The following ADI1 variants were observed in gnomAD, a reference collection of about 807,000 sequenced individuals.
ADI1 encodes the protein acireductone dioxygenase 1.
Under a neutral mutation model 18.7 loss-of-function variants are expected in ADI1, and 21 were observed. The observed-to-expected ratio is 1.13, with a 90% CI of 0.80 to 1.62. The LOEUF is 1.62. ADI1 is among the 40% of genes most tolerant of loss of function. The pLI is 0.00. For missense variants in ADI1, 245 were observed against 254.9 expected, an observed-to-expected ratio of 0.96 and a Z score of 0.26; for synonymous variants, 90 against 100.1, an observed-to-expected ratio of 0.90 and a Z score of 0.60.
At chr2:3,502,452 T>TC (rs1667045889) in intron 2 of ADI1, among the ~76,000 whole-genome samples, 1 of 41,140 alleles carries the variant, frequency 2.4e-5, no homozygotes, top group South Asian at 6.3e-4. Flanking sequence ...AAATAGCTCT[T>TC]TTTTTTTTTT....
Position 3,519,527 on chromosome 2 carries a change from C to T in ADI1, c.-40G>A. ...GTGCCGTGTTCGAACCCAGGGGCCG[C>T]GCTCGGAGCCCGTCGGCCGCGCTTT... is the stretch of plus-strand genomic sequence containing the variant. On this transcript the variant is annotated 5_prime_UTR_variant, in exon 1 of 4. Coordinates refer to ENST00000327435, the MANE Select transcript of ADI1 (RefSeq NM_018269.4). 1 of 1,253,652 alleles carries T rather than the reference C, an allele frequency of 8.0e-7. No homozygotes were observed. Among genetic ancestry groups the T allele is most frequent in the Non-Finnish European group, 1.0e-6 (1 of 997,652 alleles). The allele number at this position is 1,253,652 out of a possible 1,614,324, so 77.7% of individuals were successfully genotyped here.
At chr2:3,519,224 A>C in intron 1 of ADI1, 144 bp downstream of exon 1, 1 of 1,215,562 alleles carries the variant, frequency 8.2e-7, no homozygotes, top group Non-Finnish European at 1.0e-6. Flanking sequence ...GGGAGCCGCC[A>C]CGAACCCCCA....
intron 2 of ADI1, among the ~76,000 whole-genome samples, chr2:3,504,552 C>G (rs1320374479): frequency 6.6e-6 from 1 of 152,190 alleles, no homozygotes; most frequent in African/African-American, 2.4e-5. Context: ...TGGACTCTAA[C>G]CAGGAAGAAT....
At chr2:3,515,599 C>T (rs1667388990) in intron 1 of ADI1, 1 of 147,420 alleles carries the variant, frequency 6.8e-6, no homozygotes, top group Admixed American at 6.6e-5. Flanking sequence ...TGTCCTGTTC[C>T]CTCAGAAGCA....
Position 3,519,508 on chromosome 2 carries a change from T to C in ADI1, c.-21A>G. 1 of 1,267,570 alleles carries C rather than the reference T, an allele frequency of 7.9e-7. No individual in the cohort carries two copies. The highest frequency in any genetic ancestry group is 1.0e-6 in the Non-Finnish European group (1 of 1,004,556). 78.5% of individuals were successfully genotyped at this position (1,267,570 alleles called of 1,614,324 possible). A position where few individuals can be genotyped will look rare whatever the true frequency, so the allele number is the denominator to read the frequency against. On this transcript the variant is annotated 5_prime_UTR_variant, in exon 1 of 4. Transcript: ENST00000327435. ...ACCATGACGCGCAGTGCGGGTGCCG[T>C]GTTCGAACCCAGGGGCCGCGCTCGG...
intron 1 of ADI1, chr2:3,515,048 A>G (rs1410195558): frequency 1.9e-6 from 1 of 516,616 alleles, no homozygotes; most frequent in Non-Finnish European, 3.1e-6. Context: ...ATTGATTGTA[A>G]AACATGTGTG....
At chr2:3,501,040 G>A (rs564102636) in intron 2 of ADI1, 47 bp from the exon 3 acceptor site, 14 of 1,506,506 alleles carry the variant, frequency 9.3e-6, no homozygotes, top group South Asian at 5.3e-5. Context: ...GACCTGTCAC[G>A]CAAGCTCACA....
intron 2 of ADI1, among the ~76,000 whole-genome samples, chr2:3,508,991 G>C (rs1370900214): frequency 8.5e-6 from 1 of 118,156 alleles, no homozygotes; most frequent in Non-Finnish European, 1.7e-5. Context: ...GCGGAAGGAA[G>C]GAAAGAAGGA....
chr2:3,499,446 C>A (rs1666945032), intron 3 of ADI1, among the ~76,000 whole-genome samples: 1 of 152,206 alleles, frequency 6.6e-6, no homozygotes, highest in African/African-American at 2.4e-5. Flanking sequence ...TAAGAATTAG[C>A]ATCAGGGCCC....
At chr2:3,501,055 C>T (rs1480695578) in intron 2 of ADI1, 62 bp from the exon 3 acceptor site, 4 of 1,450,164 alleles carry the variant, frequency 2.8e-6, no homozygotes, top group Non-Finnish European at 3.7e-6. Flanking sequence ...CTCACACCCA[C>T]CCACTCAGCA....
chr2:3,503,155 GCT>G (rs202012769), intron 2 of ADI1, among the ~76,000 whole-genome samples: 2,212 of 150,828 alleles, frequency 0.015, 36 homozygotes, highest in South Asian at 0.068. Flanking sequence ...ACACGTACAC[GCT>G]CTCACATGCG....
At chr2:3,511,657 A>G (rs1422661544) in intron 2 of ADI1, among the ~76,000 whole-genome samples, 1 of 152,262 alleles carries the variant, frequency 6.6e-6, no homozygotes, top group African/African-American at 2.4e-5. Context: ...TGCTATAAAG[A>G]TACCTGAAAA....
intron 2 of ADI1, among the ~76,000 whole-genome samples, chr2:3,504,372 G>A (rs796108773): frequency 1.4e-4 from 22 of 152,350 alleles, no homozygotes; most frequent in African/African-American, 5.3e-4. Flanking sequence ...CAGCAATGAT[G>A]AAGCTAATGT....
chr2:3,500,190 C>G (rs865778436), intron 3 of ADI1, among the ~76,000 whole-genome samples: 1 of 151,958 alleles, frequency 6.6e-6, no homozygotes, highest in South Asian at 2.1e-4. Flanking sequence ...AGGCTGGGAA[C>G]AGGGGTCAGA....
At chr2:3,516,157 C>A (rs1328556501) in intron 1 of ADI1, 1 of 642,700 alleles carries the variant, frequency 1.6e-6, no homozygotes, top group Non-Finnish European at 1.9e-6. Context: ...GTCATGAGGG[C>A]AAGCCCTCAT....
intron 2 of ADI1, among the ~76,000 whole-genome samples, chr2:3,506,817 A>G (rs1667185765): frequency 6.6e-6 from 1 of 152,230 alleles, no homozygotes; most frequent in Non-Finnish European, 1.5e-5. Flanking sequence ...AGTAGTCAAG[A>G]CTGAGACACT....
In ADI1 at chr2:3,519,353, C is replaced by T. The variant is rs754643319; in HGVS notation, c.120+15G>A. ...GGCGTCGCCCGCACGCTCTGCGAGGCTTGGGCTCGCGTACCTTCCAGTAGA... is the reference window on the plus strand; with the variant it reads ...GGCGTCGCCCGCACGCTCTGCGAGGTTTGGGCTCGCGTACCTTCCAGTAGA... On this transcript the variant is annotated intron_variant, in intron 1 of 3. Coordinates refer to ENST00000327435, the MANE Select transcript of ADI1 (RefSeq NM_018269.4). The T allele has an allele frequency of 1.8e-5, 25 of 1,417,730 alleles. No homozygotes were observed. The highest frequency in any genetic ancestry group is 6.1e-5 in the East Asian group (2 of 32,862). The allele number at this position is 1,417,730 out of a possible 1,614,324, so 87.8% of individuals were successfully genotyped here.
chr2:3,517,039 T>C (rs916638305), intron 1 of ADI1: 6 of 687,786 alleles, frequency 8.7e-6, no homozygotes, highest in Non-Finnish European at 1.1e-5. Flanking sequence ...GGTCACTGTT[T>C]TGGACTGAGC....
intron 1 of ADI1, 113 bp downstream of exon 1, chr2:3,519,255 G>T: frequency 7.8e-7 from 1 of 1,284,828 alleles, no homozygotes; most frequent in South Asian, 2.1e-5. Flanking sequence ...CTGAGCATGC[G>T]CAGCATGCCG....
Sources: allele counts gnomAD v4.1 joint callset (sites outside exome capture counted in the v4.1 genomes callset), GRCh38; gene constraint gnomAD v4.1.1; transcripts MANE v1.5; gene names NCBI Gene and HGNC (gene_info 2026-07-23, HGNC 2026-07-21).